The following OR7A10 variants were observed in gnomAD, a reference collection of about 807,000 sequenced individuals.
OR7A10 encodes olfactory receptor family 7 subfamily A member 10.
For missense variants in OR7A10, 358 were observed against 370.1 expected (o/e 0.97, Z 0.27); for synonymous variants, 144 against 144.5 (o/e 1.00, Z 0.02).
In OR7A10 at chr19:14,841,834, A is replaced by C. The variant is rs1389449580; in HGVS notation, c.44T>G (p.Leu15Arg). 1.2e-6 allele frequency: 2 copies of C among 1,613,532 alleles called. No homozygotes were observed. The highest frequency in any genetic ancestry group is 1.7e-6 in the Non-Finnish European group (2 of 1,179,702). Residue 15 changes from leucine to arginine, a missense_variant, in exon 2 of 2, where the codon CTG becomes CGG. Leu to Arg is a moderately radical substitution (Grantham distance 102). Coordinates refer to ENST00000641129, the MANE Select transcript of OR7A10 (RefSeq NM_001005190.2). ...NNTIILEFLL[L>R]GISEEPELQA... ...CAATTCTGGTTCCTCTGAAATTCCC[A>C]GGAGAAGAAATTCTAAAATTATTGT...
At chr19:14,846,603 G>A (rs8112329) in intron 1 of OR7A10, among the ~76,000 whole-genome samples, 17,351 of 150,432 alleles carry the variant, frequency 0.12, 2,234 homozygotes, top group African/African-American at 0.32. Context: ...CCAGCTACTC[G>A]GGAGGCTGAG....
rs1348866444 is a variant in OR7A10, at chr19:14,844,664, G to GTTTTTTTTTTTTTTTTTTTTTTTTTT, written c.-12-2776_-12-2775insAAAAAAAAAAAAAAAAAAAAAAAAAA. On this transcript the variant is annotated intron_variant, in intron 1 of 1. Coordinates refer to ENST00000641129, the MANE Select transcript of OR7A10 (RefSeq NM_001005190.2). ...TTTTCACTGTTGCCTTGAGTTCTGTGTTTTTTTTTTTTTTTTGAGATGGAG... is the reference window on the plus strand; with the variant it reads ...TTTTCACTGTTGCCTTGAGTTCTGTGTTTTTTTTTTTTTTTTTTTTTTTTTTTTTTTTTTTTTTTTTTGAGATGGAG... 7.9e-4 allele frequency among the ~76,000 whole-genome samples: 77 copies of GTTTTTTTTTTTTTTTTTTTTTTTTTT among 97,654 alleles called. 9 individuals carry two copies. Among genetic ancestry groups the GTTTTTTTTTTTTTTTTTTTTTTTTTT allele is most frequent in the African/African-American group, 1.8e-3 (46 of 25,322 alleles). The allele number at this position is 97,654 out of a possible 152,430, so 64.1% of individuals were successfully genotyped here.
At chr19:14,845,422 T>C (rs183907642) in intron 1 of OR7A10, among the ~76,000 whole-genome samples, 60 of 151,056 alleles carry the variant, frequency 4.0e-4, no homozygotes, top group African/African-American at 1.4e-3. Flanking sequence ...CTGTGGTGAG[T>C]TGAGATTGCG....
chr19:14,847,054 A>G (rs1314911115), intron 1 of OR7A10, among the ~76,000 whole-genome samples: 1 of 152,246 alleles, frequency 6.6e-6, no homozygotes. Flanking sequence ...ACTTACACAA[A>G]AGAACATAAA....
intron 1 of OR7A10, among the ~76,000 whole-genome samples, chr19:14,844,218 C>T (rs901583964): frequency 2.0e-5 from 3 of 152,104 alleles, no homozygotes; most frequent in Non-Finnish European, 4.4e-5. Flanking sequence ...TACATCAGGG[C>T]GTGACAGCTC....
At chr19:14,842,945 T>C (rs1406129996) in intron 1 of OR7A10, among the ~76,000 whole-genome samples, 2 of 151,920 alleles carry the variant, frequency 1.3e-5, no homozygotes, top group Non-Finnish European at 2.9e-5. Flanking sequence ...TTGCCAAGGG[T>C]CTAATATCAG....
rs996483007 is a variant in OR7A10, at chr19:14,841,461, T to G, written c.417A>C (p.Gln139His). ...PLHYMVIMNP[Q>H]LCGLLVLASW... ...ATGCCAGAACCAGCAGTCCACAGAG[T>G]TGAGGGTTCATAATGACCATGTAGT... is the stretch of plus-strand genomic sequence containing the variant. Residue 139 changes from glutamine to histidine, a missense_variant, in exon 2 of 2, where the codon CAA becomes CAC. Physicochemically the swap from Gln to His is conservative, Grantham distance 24 (BLOSUM62 0). Transcript: ENST00000641129. 2 of 1,613,864 alleles carry G rather than the reference T, an allele frequency of 1.2e-6. No individual in the cohort carries two copies. Among genetic ancestry groups the G allele is most frequent in the Admixed American group, 1.7e-5 (1 of 59,984 alleles).
chr19:14,847,704 T>A (rs756902616), intron 1 of OR7A10, among the ~76,000 whole-genome samples: 2 of 151,850 alleles, frequency 1.3e-5, no homozygotes, highest in African/African-American at 2.4e-5. Context: ...TTAGTAGATA[T>A]GGGGTTTCAC....
At chr19:14,844,685 T>C (rs1482814375) in intron 1 of OR7A10, among the ~76,000 whole-genome samples, 3 of 132,282 alleles carry the variant, frequency 2.3e-5, no homozygotes, top group Admixed American at 7.9e-5. Context: ...TTTTTTGAGA[T>C]GGAGTCTCAC....
rs1479263868 is a variant in OR7A10, at chr19:14,840,522, G to A, written c.*426C>T. ...CTTATGACATTTTTAAGGAAGAGAT[G>A]TTAGGACAATGGAAGGAGTCATATT... On this transcript the variant is annotated 3_prime_UTR_variant, in exon 2 of 2. Coordinates refer to ENST00000641129, the MANE Select transcript of OR7A10 (RefSeq NM_001005190.2). 6.3e-6 allele frequency: 1 copy of A among 158,202 alleles called. No homozygotes were observed. Among genetic ancestry groups the A allele is most frequent in the African/African-American group, 2.4e-5 (1 of 41,488 alleles). The allele number at this position is 158,202 out of a possible 1,614,324, so 9.8% of individuals were successfully genotyped here. A position where few individuals can be genotyped will look rare whatever the true frequency, so the allele number is the denominator to read the frequency against.
At chr19:14,848,365 A>T (rs539781294) in intron 1 of OR7A10, 135 bp downstream of exon 1, 7 of 152,200 alleles carry the variant, frequency 4.6e-5, no homozygotes, top group African/African-American at 1.7e-4. Flanking sequence ...ATATGAATCA[A>T]TTCATTCACC....
chr19:14,841,567 A>G lies in OR7A10; in HGVS notation c.311T>C (p.Phe104Ser), dbSNP rs2044913070. 1.9e-6 allele frequency: 3 copies of G among 1,614,238 alleles called. No homozygotes were observed. Among genetic ancestry groups the G allele is most frequent in the Non-Finnish European group, 2.5e-6 (3 of 1,180,048 alleles). ...YAGCITQMCF[F>S]LLFVGLDNFL... The stretch of plus-strand genomic sequence containing the variant: ...GTTATCCAATCCTACAAAGAGTAAG[A>G]AAAAGCACATCTGGGTGATGCAGCC... The change falls in exon 2 of 2, where the codon TTC becomes TCC. Residue 104 changes from phenylalanine to serine, a missense_variant. By Grantham distance (155) the Phe-to-Ser change is radical. Coordinates refer to ENST00000641129, the MANE Select transcript of OR7A10 (RefSeq NM_001005190.2).
chr19:14,846,098 A>G (rs565200536), intron 1 of OR7A10, among the ~76,000 whole-genome samples: 26 of 152,014 alleles, frequency 1.7e-4, no homozygotes, highest in African/African-American at 6.3e-4. Flanking sequence ...AGGTTGCAGT[A>G]AGCCGAGATC....
chr19:14,841,920 G>T, intron 1 of OR7A10, 31 bp from the exon 2 acceptor site: 2 of 1,337,118 alleles, frequency 1.5e-6, no homozygotes, highest in Admixed American at 2.1e-5. Flanking sequence ...GAGAGAGAGA[G>T]AGTGAAAGAA....
chr19:14,848,232 A>T (rs1040864175), intron 1 of OR7A10, among the ~76,000 whole-genome samples: 7 of 152,122 alleles, frequency 4.6e-5, no homozygotes, highest in Non-Finnish European at 1.0e-4. Flanking sequence ...CTTTCACTGG[A>T]ACTACTTTAG....
chr19:14,840,810 A>G lies in OR7A10; in HGVS notation c.*138T>C, dbSNP rs2044906106. 3 of 619,530 alleles carry G rather than the reference A, an allele frequency of 4.8e-6. No individual in the cohort carries two copies. The highest frequency in any genetic ancestry group is 1.8e-5 in the African/African-American group (1 of 54,214). The allele number at this position is 619,530 out of a possible 1,614,324, so 38.4% of individuals were successfully genotyped here. A position where few individuals can be genotyped will look rare whatever the true frequency, so the allele number is the denominator to read the frequency against. ...CAGTGTAAGCTCTATAAAGTAGTTG[A>G]GGAACAAAGAAGTTTAAACTCCAGG... On this transcript the variant is annotated 3_prime_UTR_variant, in exon 2 of 2. Transcript: ENST00000641129.
chr19:14,843,644 C>A (rs929408059), intron 1 of OR7A10, among the ~76,000 whole-genome samples: 2 of 152,168 alleles, frequency 1.3e-5, no homozygotes, highest in African/African-American at 4.8e-5. Context: ...AATTCCTTCC[C>A]ACTCTCAGCC....
rs1253878378 is a variant in OR7A10 at position 14,841,387 on chromosome 19, A to G, written c.491T>C (p.Leu164Ser). 29 of 1,614,062 alleles carry G rather than the reference A, an allele frequency of 1.8e-5. No homozygotes were observed. The highest frequency in any genetic ancestry group is 2.5e-5 in the Non-Finnish European group (29 of 1,180,038). The part of the protein sequence containing the change: ...LNSMLQSLMV[L>S]PLPFCTHMEI... ...CATGTGTGTACAAAAGGGCAGTGGCAACACCATTAAGCTTTGTAACATGGA... is the reference window on the plus strand; with the variant it reads ...CATGTGTGTACAAAAGGGCAGTGGCGACACCATTAAGCTTTGTAACATGGA... Residue 164 changes from leucine (L) to serine (S), a missense_variant, in exon 2 of 2, where the codon TTG (leucine) becomes TCG (serine). By Grantham distance (145) the Leu-to-Ser change is moderately radical. Transcript: ENST00000641129.
intron 1 of OR7A10, among the ~76,000 whole-genome samples, chr19:14,845,213 G>A (rs1223323973): frequency 6.6e-6 from 1 of 151,858 alleles, no homozygotes; most frequent in East Asian, 2.0e-4. Flanking sequence ...GGTGGCTCAC[G>A]CCTGTAATCC....
Sources: gnomAD v4.1 joint callset for allele counts (sites outside exome capture counted in the v4.1 genomes callset) on GRCh38, gnomAD v4.1.1 for gene constraint, MANE v1.5 for transcripts, NCBI Gene and HGNC (gene_info 2026-07-23, HGNC 2026-07-21) for gene names.